Variants in DNAH11 observed in about 807,000 individuals in gnomAD.
DNAH11 encodes dynein axonemal heavy chain 11.
DNAH11 carries 442 observed loss-of-function variants against 526.0 expected under a neutral mutation model. That is an observed-to-expected ratio of 0.84 (90% CI 0.78 to 0.91). The LOEUF (loss-of-function observed/expected upper bound fraction) is 0.91. DNAH11 is among the 40% of genes least tolerant of loss of function. The pLI is 0.00. For missense variants in DNAH11, 6,989 were observed against 5,448.7 expected (o/e 1.28, Z -8.90); for synonymous variants, 2,461 against 1,935.9 (o/e 1.27, Z -7.12).
intron 6 of DNAH11, among the ~76,000 whole-genome samples, chr7:21,566,542 AAAAGTT>A (rs1205022877): frequency 6.6e-6 from 1 of 152,042 alleles, no homozygotes; most frequent in Non-Finnish European, 1.5e-5. Flanking sequence ...ACAAAAATTC[AAAAGTT>A]ACACCCTCAT....
chr7:21,856,518 G>C (rs553679564), intron 68 of DNAH11, among the ~76,000 whole-genome samples: 3 of 152,184 alleles, frequency 2.0e-5, no homozygotes, highest in East Asian at 3.9e-4. Flanking sequence ...ACTACACTAA[G>C]GCATTACAAT....
Position 21,901,005 on chromosome 7 carries a change from A to G in DNAH11, c.13304-2A>G, listed in dbSNP as rs1352719525. On this transcript the variant is annotated splice_acceptor_variant, in intron 81 of 81. Coordinates refer to ENST00000409508, the MANE Select transcript of DNAH11 (RefSeq NM_001277115.2). LOFTEE classifies it high-confidence loss of function. ...ATTGCAACCGCTGTGTTTTTGCCAT[A>G]GGCGCCCGCTGGGACACCCAAGCAG... 2.5e-6 allele frequency: 4 copies of G among 1,580,980 alleles called. No homozygotes were observed. The African/African-American group carries it at 4.1e-5, about 16-fold the overall frequency.
intron 8 of DNAH11, among the ~76,000 whole-genome samples, chr7:21,580,514 G>A (rs1208022175): frequency 3.9e-5 from 6 of 152,176 alleles, no homozygotes; most frequent in East Asian, 1.9e-4. Flanking sequence ...AACAAAACAC[G>A]ATAAACTGGG....
intron 20 of DNAH11, 70 bp from the exon 21 acceptor site, chr7:21,615,044 A>C: frequency 7.0e-7 from 1 of 1,429,240 alleles, no homozygotes; most frequent in Non-Finnish European, 9.4e-7. Flanking sequence ...CGAGATAACC[A>C]GAGCTACAGA....
rs986264020 is a variant in DNAH11, at chr7:21,591,258, C to G, written c.2348C>G (p.Pro783Arg). The change falls in exon 14 of 82, where the codon CCT becomes CGT. Residue 783 changes from proline (P) to arginine (R), a missense_variant. Physicochemically the swap from Pro to Arg is moderately radical, Grantham distance 103. Transcript: ENST00000409508. ...LKQTLLEVEY[P>R]LIEDELRAID... ...CAGACGCTCCTGGAAGTTGAATACC[C>G]TCTGATTGAAGATGAGCTGAGGGCT... The G allele has an allele frequency of 6.2e-7, 1 of 1,604,974 alleles. No homozygotes were observed. The highest frequency in any genetic ancestry group is 1.3e-5 in the African/African-American group (1 of 74,540).
At chr7:21,668,759 G>A (rs1382386646) in intron 30 of DNAH11, among the ~76,000 whole-genome samples, 1 of 152,152 alleles carries the variant, frequency 6.6e-6, no homozygotes, top group Non-Finnish European at 1.5e-5. Context: ...TGGGTTTCCA[G>A]TTTGAGACTA....
chr7:21,828,460 TC>T (rs199893076), intron 65 of DNAH11, among the ~76,000 whole-genome samples: 8 of 152,348 alleles, frequency 5.3e-5, no homozygotes, highest in African/African-American at 1.9e-4. Context: ...AAGTTTTTTT[TC>T]CCTTAATAGT....
chr7:21,570,399 T>C, intron 7 of DNAH11, 100 bp downstream of exon 7: 1 of 943,312 alleles, frequency 1.1e-6, no homozygotes, highest in East Asian at 2.6e-5. Flanking sequence ...ATATCATAGG[T>C]GGAGGTCTCC....
Position 21,599,920 on chromosome 7 carries a change from CA to C in DNAH11, c.2802del (p.Glu935ArgfsTer4), listed in dbSNP as rs762934428. ...GACTTAGACTTCTTTCTGAAGAATA[CA>C]GAGAAACAATTGAAACCGGCACCGT... The part of the protein sequence containing the change: ...MHDLDFFLKN[T>X]EKQLKPAPFF... On this transcript the variant is annotated frameshift_variant, in exon 15 of 82. Coordinates refer to ENST00000409508, the MANE Select transcript of DNAH11 (RefSeq NM_001277115.2). LOFTEE classifies it high-confidence loss of function. The C allele has an allele frequency of 6.2e-7, 1 of 1,611,666 alleles. No homozygotes were observed. Among genetic ancestry groups the C allele is most frequent in the Non-Finnish European group, 8.5e-7 (1 of 1,178,552 alleles).
chr7:21,750,023 G>A (rs1583657116), intron 53 of DNAH11, among the ~76,000 whole-genome samples, 199 bp from the exon 54 acceptor site: 3 of 152,198 alleles, frequency 2.0e-5, no homozygotes, highest in African/African-American at 4.8e-5. Context: ...ACGTACGGGT[G>A]TAGAGGGTGT....
At chr7:21,578,118 C>T (rs1784170610) in intron 8 of DNAH11, among the ~76,000 whole-genome samples, 1 of 152,136 alleles carries the variant, frequency 6.6e-6, no homozygotes, top group African/African-American at 2.4e-5. Flanking sequence ...GGAGAAGTGC[C>T]ACATACTTTT....
At chr7:21,647,650 C>A (rs926160766) in intron 28 of DNAH11, among the ~76,000 whole-genome samples, 1 of 151,862 alleles carries the variant, frequency 6.6e-6, no homozygotes, top group African/African-American at 2.4e-5. Flanking sequence ...CCAGGATGGT[C>A]TTGATCTCCT....
At chr7:21,732,742 CTCT>C (rs1425461525) in intron 45 of DNAH11, among the ~76,000 whole-genome samples, 5 of 152,244 alleles carry the variant, frequency 3.3e-5, no homozygotes, top group Non-Finnish European at 7.3e-5. Context: ...TTCTATACTG[CTCT>C]TCTTAACATT....
At chr7:21,686,706 A>G (rs1783390443) in intron 32 of DNAH11, among the ~76,000 whole-genome samples, 1 of 152,176 alleles carries the variant, frequency 6.6e-6, no homozygotes, top group Non-Finnish European at 1.5e-5. Flanking sequence ...TGTTTAATTC[A>G]TTCATCATCT....
intron 14 of DNAH11, among the ~76,000 whole-genome samples, chr7:21,593,962 C>T (rs1219464109): frequency 6.6e-6 from 1 of 151,442 alleles, no homozygotes; most frequent in Non-Finnish European, 1.5e-5. Context: ...CTCTTTTTCT[C>T]TGTATGTCAC....
intron 18 of DNAH11, 77 bp downstream of exon 18, chr7:21,601,695 C>A: frequency 1.8e-6 from 2 of 1,092,476 alleles, no homozygotes; most frequent in Non-Finnish European, 2.5e-6. Flanking sequence ...CATGTACTCT[C>A]TTATGATGTC....
Position 21,599,858 on chromosome 7 carries a change from CA to C in DNAH11, c.2740del (p.Ile914LeufsTer10), listed in dbSNP as rs760757416. 5 of 1,608,890 alleles carry C rather than the reference CA, an allele frequency of 3.1e-6. No homozygotes were observed. Among genetic ancestry groups the C allele is most frequent in the Non-Finnish European group, 3.4e-6 (4 of 1,176,330 alleles). On this transcript the variant is annotated frameshift_variant, in exon 15 of 82. Coordinates refer to ENST00000409508, the MANE Select transcript of DNAH11 (RefSeq NM_001277115.2). LOFTEE classifies it high-confidence loss of function. ...WKIYVEFIDD[I>X]VVEGFFQAIM... ...AAATTTATGTAGAATTCATTGACGA[CA>C]TTGTGGTGGAAGGCTTTTTTCAGGC...
chr7:21,749,705 A>G lies in DNAH11; in HGVS notation c.8701A>G (p.Thr2901Ala), dbSNP rs775098496. Residue 2901 changes from threonine (T) to alanine (A), a missense_variant, in exon 53 of 82, where the codon ACT (threonine) becomes GCT (alanine). Coordinates refer to ENST00000409508, the MANE Select transcript of DNAH11 (RefSeq NM_001277115.2). ...RVDLANLYIR[T>A]GAKNMPTVFL... The stretch of plus-strand genomic sequence containing the variant: ...AGATCTTGCCAATTTGTACATCCGA[A>G]CTGGAGCCAAGAACATGCCCACTGT... 1 of 1,613,974 alleles carries G rather than the reference A, an allele frequency of 6.2e-7. No homozygotes were observed. The highest frequency in any genetic ancestry group is 1.1e-5 in the South Asian group (1 of 91,074).
intron 22 of DNAH11, 89 bp from the exon 23 acceptor site, chr7:21,617,530 G>A: frequency 1.4e-6 from 2 of 1,440,712 alleles, no homozygotes; most frequent in South Asian, 2.5e-5. Context: ...TAATCCAGGA[G>A]TTGGGAAATA....
Sources: allele counts gnomAD v4.1 joint callset (sites outside exome capture counted in the v4.1 genomes callset), GRCh38; gene constraint gnomAD v4.1.1; transcripts MANE v1.5; gene names NCBI Gene and HGNC (gene_info 2026-07-23, HGNC 2026-07-21).